Variants in TANGO6 observed in about 807,000 individuals in gnomAD.
TANGO6 encodes the protein transport and Golgi organization protein 6 homolog.
TANGO6 carries 90 observed loss-of-function variants against 114.2 expected under a neutral mutation model. The observed-to-expected ratio is 0.79, with a 90% CI of 0.66 to 0.94. The LOEUF is 0.94. Among genes scored for constraint, TANGO6 ranks in the 40% least tolerant of loss-of-function variants. The pLI, the probability that TANGO6 is intolerant of heterozygous loss-of-function variation, is 0.00. For missense variants in TANGO6, 1,274 were observed against 1,315.3 expected, an observed-to-expected ratio of 0.97 and a Z score of 0.49; for synonymous variants, 477 against 509.8, an observed-to-expected ratio of 0.94 and a Z score of 0.87.
intron 17 of TANGO6, among the ~76,000 whole-genome samples, chr16:69,072,194 C>G (rs1010677241): frequency 6.6e-6 from 1 of 151,210 alleles, no homozygotes; most frequent in Non-Finnish European, 1.5e-5. Flanking sequence ...AGAATCTGAA[C>G]GCCACTCCCT....
chr16:69,023,740 CA>C (rs1219408431), intron 16 of TANGO6, among the ~76,000 whole-genome samples: 4 of 147,716 alleles, frequency 2.7e-5, no homozygotes, highest in African/African-American at 5.0e-5. Context: ...TGTTGTTTAC[CA>C]AAAAAAAACG....
intron 16 of TANGO6, among the ~76,000 whole-genome samples, chr16:69,031,344 A>G (rs1214727137): frequency 1.3e-5 from 2 of 152,030 alleles, no homozygotes; most frequent in Non-Finnish European, 2.9e-5. Context: ...GCTGATTAAT[A>G]CAATATTGAA....
intron 15 of TANGO6, among the ~76,000 whole-genome samples, chr16:68,994,877 AC>A (rs1402464881): frequency 6.6e-6 from 1 of 152,122 alleles, no homozygotes; most frequent in Non-Finnish European, 1.5e-5. Flanking sequence ...AAGCCACGGC[AC>A]CCAGCTTATT....
At chr16:69,050,941 T>C (rs955254460) in intron 17 of TANGO6, among the ~76,000 whole-genome samples, 1 of 152,096 alleles carries the variant, frequency 6.6e-6, no homozygotes, top group Admixed American at 6.6e-5. Context: ...ATATCATCTT[T>C]GGAGAAATGT....
chr16:69,030,238 C>G (rs1007049117), intron 16 of TANGO6, among the ~76,000 whole-genome samples: 1 of 151,978 alleles, frequency 6.6e-6, no homozygotes, highest in Non-Finnish European at 1.5e-5. Flanking sequence ...TCAGATACCA[C>G]CCTGCCTTCT....
chr16:68,974,223 G>A lies in TANGO6; in HGVS notation c.2842+55G>A. 12 of 1,609,472 alleles carry A rather than the reference G, an allele frequency of 7.5e-6. No individual in the cohort carries two copies. The South Asian group carries it at 1.3e-4, about 18-fold the overall frequency. On this transcript the variant is annotated intron_variant, in intron 15 of 17. Coordinates refer to ENST00000261778, the MANE Select transcript of TANGO6 (RefSeq NM_024562.2). Reference sequence around the variant, plus strand: ...AAGGGTGGAGGATCAGTGTGACTTTGAAACCAAAATGTGTGTACCTGGGGG... The same window carrying A: ...AAGGGTGGAGGATCAGTGTGACTTTAAAACCAAAATGTGTGTACCTGGGGG...
chr16:68,996,210 G>A lies in TANGO6; in HGVS notation c.2842+22042G>A, dbSNP rs546807997. On this transcript the variant is annotated intron_variant, in intron 15 of 17. Transcript: ENST00000261778. ...TGTTAATAGATCAAAATTTACCTAC[G>A]AATTTTTTAATGATGAATTTCATCA... Among the ~76,000 whole-genome samples the A allele has an allele frequency of 2.7e-4, 41 of 152,212 alleles. 1 individual carries two copies. In the South Asian group the frequency reaches 7.9e-3, roughly 29 times the overall value.
At position 68,943,512 on chromosome 16, in the gene TANGO6, T is replaced by C. The variant is rs556804024; in HGVS notation, c.2701+13217T>C. On this transcript the variant is annotated intron_variant, in intron 14 of 17. Transcript: ENST00000261778. ...CCGAGTAGCTGGGACTACAGGTGCC[T>C]GCCACCACGCACTGGCTAATTTTTT... 1.5e-3 allele frequency among the ~76,000 whole-genome samples: 224 copies of C among 152,086 alleles called. 1 individual carries two copies. The highest frequency in any genetic ancestry group is 3.1e-3 in the Admixed American group (47 of 15,258).
At chr16:68,959,059 TC>T (rs1450970938) in intron 14 of TANGO6, among the ~76,000 whole-genome samples, 1 of 152,226 alleles carries the variant, frequency 6.6e-6, no homozygotes, top group Non-Finnish European at 1.5e-5. Flanking sequence ...GTTGGATAAC[TC>T]CCTGAAATTA....
At chr16:68,873,412 C>T (rs908984286) in intron 4 of TANGO6, among the ~76,000 whole-genome samples, 1 of 152,160 alleles carries the variant, frequency 6.6e-6, no homozygotes, top group Non-Finnish European at 1.5e-5. Context: ...CTGCCAGGTT[C>T]AAGCGATTGT....
At position 68,875,289 on chromosome 16, in the gene TANGO6, A is replaced by G. The variant is rs377185329; in HGVS notation, c.1130A>G (p.Gln377Arg). 1.8e-5 allele frequency: 29 copies of G among 1,611,758 alleles called. No individual in the cohort carries two copies. Among genetic ancestry groups the G allele is most frequent in the Non-Finnish European group, 2.5e-5 (29 of 1,178,596 alleles). ...AATTACTACAGGGACATCTGCCCCC[A>G]GGTAAATCTTTTTGTTTCTATTGAT... ...PENYYRDICP[Q>R]VLDLFHFQDK... Residue 377 changes from glutamine to arginine, a missense_variant and splice_region_variant, in exon 5 of 18, where the codon CAG becomes CGG. Gln to Arg is a conservative substitution (Grantham distance 43, BLOSUM62 1). This residue lies in a region of TANGO6 where 908 missense variants were observed against 910.2 expected (regional missense o/e 1.00). Coordinates refer to ENST00000261778, the MANE Select transcript of TANGO6 (RefSeq NM_024562.2).
In TANGO6 at chr16:69,067,570, A is replaced by G. The variant is rs1477443768; in HGVS notation, c.3109-15915A>G. ...CGCCGTGGCACACGCCTATAATCCC[A>G]GCACTTTGGGAGGCCAAGGCGGGCG... On this transcript the variant is annotated intron_variant, in intron 17 of 17. Coordinates refer to ENST00000261778, the MANE Select transcript of TANGO6 (RefSeq NM_024562.2). Among the ~76,000 whole-genome samples the G allele has an allele frequency of 1.6e-4, 24 of 149,682 alleles. 1 individual carries two copies. The highest frequency in any genetic ancestry group is 4.2e-4 in the African/African-American group (17 of 40,238).
chr16:68,909,339 C>CCTGCAG lies in TANGO6; in HGVS notation c.1933_1938dup (p.Gln645_Leu646dup). 1 of 1,608,378 alleles carries CCTGCAG rather than the reference C, an allele frequency of 6.2e-7. No homozygotes were observed. Among genetic ancestry groups the CCTGCAG allele is most frequent in the Non-Finnish European group, 8.5e-7 (1 of 1,176,950 alleles). On this transcript the variant is annotated inframe_insertion, in exon 11 of 18. Transcript: ENST00000261778. ...AAGGCCAAGAGCGGAAGCTGCTTGT[C>CCTGCAG]CTGCAGCTGATGGCTGTTCTGTGCG...
At chr16:69,018,492 A>G (rs2152226749) in intron 15 of TANGO6, among the ~76,000 whole-genome samples, 1 of 151,968 alleles carries the variant, frequency 6.6e-6, no homozygotes, top group African/African-American at 2.4e-5. Context: ...ACTCATAGGT[A>G]ACTCATAGGA....
intron 17 of TANGO6, among the ~76,000 whole-genome samples, chr16:69,054,940 CAAAAA>C: frequency 1.5e-5 from 1 of 68,898 alleles, no homozygotes; most frequent in Non-Finnish European, 2.6e-5. Flanking sequence ...GACTCCGTCT[CAAAAA>C]AAAAAAAAAA....
chr16:69,021,864 A>G (rs1394221706), intron 15 of TANGO6, among the ~76,000 whole-genome samples: 2 of 149,144 alleles, frequency 1.3e-5, no homozygotes, highest in Non-Finnish European at 3.0e-5. Flanking sequence ...CATTTTTTGT[A>G]TGTATATGTA....
intron 14 of TANGO6, among the ~76,000 whole-genome samples, chr16:68,945,886 A>G (rs1963409057): frequency 6.6e-6 from 1 of 152,122 alleles, no homozygotes; most frequent in Non-Finnish European, 1.5e-5. Flanking sequence ...GGGTTTAGCC[A>G]TGTTGGCCAG....
intron 15 of TANGO6, among the ~76,000 whole-genome samples, chr16:68,975,491 G>T (rs1190705977): frequency 6.6e-6 from 1 of 151,878 alleles, no homozygotes; most frequent in Non-Finnish European, 1.5e-5. Flanking sequence ...AAAGTGCTGG[G>T]ATTATAAGCA....
intron 3 of TANGO6, among the ~76,000 whole-genome samples, chr16:68,865,775 T>C (rs1307839256): frequency 3.5e-5 from 5 of 141,286 alleles, no homozygotes; most frequent in African/African-American, 1.3e-4. Context: ...AAAAATAGCC[T>C]GGCATGGTGG....
Sources: allele counts gnomAD v4.1 joint callset (sites outside exome capture counted in the v4.1 genomes callset), GRCh38; gene constraint gnomAD v4.1.1; regional missense constraint gnomAD v4.1.1; transcripts MANE v1.5; gene names NCBI Gene and HGNC (gene_info 2026-07-23, HGNC 2026-07-21).